Variants in PSME4 observed in about 807,000 individuals in gnomAD.
The protein encoded by PSME4 is proteasome activator complex subunit 4.
PSME4 carries 89 observed loss-of-function variants against 253.9 expected under a neutral mutation model. The ratio of observed to expected loss-of-function variants is 0.35; its 90% confidence interval spans 0.30 to 0.42. The LOEUF is 0.42. PSME4 is among the 10% of genes least tolerant of loss of function. PSME4 has a pLI of 1.00. For synonymous variants in PSME4, 851 were observed against 759.2 expected (o/e 1.12, Z -1.99); for missense variants, 2,014 against 2,195.2 (o/e 0.92, Z 1.65).
intron 1 of PSME4, among the ~76,000 whole-genome samples, chr2:53,963,029 C>T (rs568037476): frequency 6.7e-6 from 1 of 148,962 alleles, no homozygotes; most frequent in South Asian, 2.1e-4. Context: ...AAAAAAAGGA[C>T]ACATACCATA....
Position 53,965,313 on chromosome 2 carries a change from A to G in PSME4, c.242+5230T>C, listed in dbSNP as rs192067805. Among the ~76,000 whole-genome samples the G allele has an allele frequency of 1.5e-3, 219 of 149,354 alleles. 1 individual carries two copies. Among genetic ancestry groups the G allele is most frequent in the African/African-American group, 5.0e-3 (200 of 40,380 alleles). On this transcript the variant is annotated intron_variant, in intron 1 of 46. Coordinates refer to ENST00000404125, the MANE Select transcript of PSME4 (RefSeq NM_014614.3). ...GCCTAGCCTGGAGTGCAGTGGCGCC[A>G]TCTCGGCTCACTGTAGCCTCTGCCT...
At chr2:53,922,309 C>G (rs1424145005) in intron 17 of PSME4, among the ~76,000 whole-genome samples, 1 of 152,150 alleles carries the variant, frequency 6.6e-6, no homozygotes, top group African/African-American at 2.4e-5. Context: ...ACTGGTAAAA[C>G]TAAGTAGATG....
intron 27 of PSME4, 46 bp downstream of exon 27, chr2:53,903,979 G>A: frequency 6.7e-7 from 1 of 1,497,944 alleles, no homozygotes. Context: ...CAGCTTTTCA[G>A]TATGTTTGAA....
chr2:53,885,861 T>G (rs1001640073), intron 40 of PSME4, 86 bp from the exon 41 acceptor site: 1 of 877,150 alleles, frequency 1.1e-6, no homozygotes, highest in Non-Finnish European at 1.8e-6. Context: ...GTTATTGTCA[T>G]ACAGCCACTC....
chr2:53,900,495 T>C (rs1302947878), intron 28 of PSME4, among the ~76,000 whole-genome samples: 1 of 151,796 alleles, frequency 6.6e-6, no homozygotes, highest in East Asian at 1.9e-4. Context: ...ATTATGCCAC[T>C]GCACTCTAGC....
Position 53,928,098 on chromosome 2 carries a change from T to C in PSME4, c.1503+19A>G, listed in dbSNP as rs749670289. On this transcript the variant is annotated intron_variant, in intron 11 of 46. Transcript: ENST00000404125. ...GCCTCCTACCTAAATACGGAGTGTA[T>C]AATCACCAATATACTCACCATGCAT... The C allele has an allele frequency of 9.4e-6, 15 of 1,591,450 alleles. No homozygotes were observed. The highest frequency in any genetic ancestry group is 1.3e-5 in the Non-Finnish European group (15 of 1,163,188).
chr2:53,877,301 T>G (rs1679182795), intron 41 of PSME4, among the ~76,000 whole-genome samples: 1 of 150,000 alleles, frequency 6.7e-6, no homozygotes, highest in South Asian at 2.1e-4. Flanking sequence ...ATGCCTATAG[T>G]CCTTGGGAGG....
At position 53,874,392 on chromosome 2, in the gene PSME4, C is replaced by A. The variant is rs1030374422; in HGVS notation, c.5047G>T (p.Val1683Phe). ...LFIFLNNEDA[V>F]KDIRWLVISL... is the part of the protein sequence containing the mutation. Reference sequence around the variant, plus strand: ...ATAACCAGCCACCTGATATCTTTAACTGCATCTTCATTGTTTAGGAAAATA... The same window carrying A: ...ATAACCAGCCACCTGATATCTTTAAATGCATCTTCATTGTTTAGGAAAATA... The change falls in exon 43 of 47, where the codon GTT (valine) becomes TTT (phenylalanine). Residue 1683 changes from valine (V) to phenylalanine (F), a missense_variant. By Grantham distance (50) the Val-to-Phe change is conservative. This residue lies in a region of PSME4 where 403 missense variants were observed against 556.1 expected (regional missense o/e 0.72). Coordinates refer to ENST00000404125, the MANE Select transcript of PSME4 (RefSeq NM_014614.3). The A allele has an allele frequency of 8.7e-6, 14 of 1,613,958 alleles. No individual in the cohort carries two copies. The highest frequency in any genetic ancestry group is 1.1e-5 in the Non-Finnish European group (13 of 1,179,946).
At chr2:53,963,025 A>AG (rs1350037997) in intron 1 of PSME4, among the ~76,000 whole-genome samples, 5 of 151,258 alleles carry the variant, frequency 3.3e-5, no homozygotes, top group African/African-American at 1.2e-4. Flanking sequence ...AAAAAAAAAA[A>AG]GGACACATAC....
chr2:53,888,043 T>TGCC, intron 38 of PSME4, 54 bp from the exon 39 acceptor site: 1 of 1,542,834 alleles, frequency 6.5e-7, no homozygotes, highest in Non-Finnish European at 8.8e-7. Flanking sequence ...CCTTTACATA[T>TGCC]TGACAGTATG....
chr2:53,899,503 T>A (rs1236835619), intron 29 of PSME4, among the ~76,000 whole-genome samples: 2 of 152,146 alleles, frequency 1.3e-5, no homozygotes, highest in Admixed American at 1.3e-4. Context: ...ATGTTATACA[T>A]CTATATTTTA....
At chr2:53,868,509 A>G (rs1678693826) in intron 44 of PSME4, among the ~76,000 whole-genome samples, 1 of 51,158 alleles carries the variant, frequency 2.0e-5, no homozygotes, top group Non-Finnish European at 3.9e-5. Flanking sequence ...TATATATTAT[A>G]AAATATATTT....
Position 53,901,501 on chromosome 2 carries a change from T to C in PSME4, c.3134A>G (p.Asp1045Gly). The change falls in exon 28 of 47, where the codon GAT becomes GGT. Residue 1045 changes from aspartate to glycine, a missense_variant. This residue lies in a region of PSME4 where 989 missense variants were observed against 1,021.1 expected (regional missense o/e 0.97). Transcript: ENST00000404125. Reference sequence around the variant, plus strand: ...CCACGTCTGTACAATACAGTCCCAATCATGAAGGTTTGCCAAGCACACACC... The same window carrying C: ...CCACGTCTGTACAATACAGTCCCAACCATGAAGGTTTGCCAAGCACACACC... ...HSGVCLANLHDWDCIVQTWPA... is the reference protein window; with the variant it reads ...HSGVCLANLHGWDCIVQTWPA... 6.2e-7 allele frequency: 1 copy of C among 1,613,860 alleles called. No homozygotes were observed. Among genetic ancestry groups the C allele is most frequent in the Non-Finnish European group, 8.5e-7 (1 of 1,179,944 alleles).
Position 53,948,500 on chromosome 2 carries a change from G to C in PSME4, c.421C>G (p.Pro141Ala), listed in dbSNP as rs778969480. Residue 141 changes from proline to alanine, a missense_variant, in exon 3 of 47, where the codon CCC becomes GCC. This residue lies in a region of PSME4 where 615 missense variants were observed against 594.4 expected (regional missense o/e 1.03). Transcript: ENST00000404125. ...ACCATGTCATAAAGTGGTCTCCAGG[G>C]TAACTCCAAATCAGCTCTTGAAAGA... ...ELLSRADLEL[P>A]WRPLYDMVER... 5 of 1,613,368 alleles carry C rather than the reference G, an allele frequency of 3.1e-6. No homozygotes were observed. Among genetic ancestry groups the C allele is most frequent in the African/African-American group, 1.3e-5 (1 of 75,002 alleles).
chr2:53,887,356 G>A lies in PSME4; in HGVS notation c.4632C>T (p.Leu1544=). 2 of 1,613,774 alleles carry A rather than the reference G, an allele frequency of 1.2e-6. No homozygotes were observed. Among genetic ancestry groups the A allele is most frequent in the Non-Finnish European group, 1.7e-6 (2 of 1,179,750 alleles). Residue 1544 remains leucine (L), a synonymous_variant, in exon 40 of 47, where the codon CTC becomes CTT. Transcript: ENST00000404125. The part of the protein sequence containing the change: ...TARILEKLKP[L]MDVDEEIQNH... ...TCTGAATTTCTTCATCCACATCCATGAGAGGTTTCAATTTCTCCAGAATTC... is the reference window on the plus strand; with the variant it reads ...TCTGAATTTCTTCATCCACATCCATAAGAGGTTTCAATTTCTCCAGAATTC...
chr2:53,867,501 G>GAAAAAAAAAAAAAAAAA (rs1223931718), intron 44 of PSME4, among the ~76,000 whole-genome samples: 1 of 113,442 alleles, frequency 8.8e-6, no homozygotes. Context: ...TCCGTCTCAA[G>GAAAAAAAAAAAAAAAAA]GAAAAAAAAA....
intron 36 of PSME4, among the ~76,000 whole-genome samples, chr2:53,891,835 T>C (rs528026973): frequency 4.3e-5 from 6 of 139,912 alleles, no homozygotes; most frequent in South Asian, 2.3e-4. Flanking sequence ...GCCTGGGCGA[T>C]AGGGCGATAG....
At chr2:53,869,294 G>C in intron 44 of PSME4, 82 bp downstream of exon 44, 2 of 1,339,640 alleles carry the variant, frequency 1.5e-6, no homozygotes, top group East Asian at 2.3e-5. Flanking sequence ...ATACATACAA[G>C]TTATTCAATA....
At chr2:53,875,953 C>A (rs543337524) in intron 41 of PSME4, among the ~76,000 whole-genome samples, 198 bp from the exon 42 acceptor site, 70 of 152,258 alleles carry the variant, frequency 4.6e-4, no homozygotes, top group African/African-American at 1.6e-3. Context: ...TCTTTTGTTT[C>A]ATTTTTCCTC....
Sources: gnomAD v4.1 joint callset for allele counts (sites outside exome capture counted in the v4.1 genomes callset) on GRCh38, gnomAD v4.1.1 for gene constraint, gnomAD v4.1.1 regional missense constraint, MANE v1.5 for transcripts, NCBI Gene and HGNC (gene_info 2026-07-23, HGNC 2026-07-21) for gene names.